Variants in RABEPK observed in about 807,000 individuals in gnomAD.
RABEPK encodes the protein Rab9 effector protein with kelch motifs, also known as 40 kDa Rab9 effector protein.
In RABEPK, 27 loss-of-function variants were observed where a neutral mutation model predicts 34.1. The observed-to-expected ratio is 0.79, with a 90% CI of 0.58 to 1.09. The LOEUF is 1.09. RABEPK is among the 50% of genes least tolerant of loss of function. RABEPK has a pLI of 0.00. For missense variants in RABEPK, 449 were observed against 462.6 expected, an observed-to-expected ratio of 0.97 and a Z score of 0.27; for synonymous variants, 172 against 169.2, an observed-to-expected ratio of 1.02 and a Z score of -0.13.
At chr9:125,218,938 C>A (rs1831134463) in intron 4 of RABEPK, among the ~76,000 whole-genome samples, 1 of 151,928 alleles carries the variant, frequency 6.6e-6, no homozygotes, top group African/African-American at 2.4e-5. Flanking sequence ...TGCCATGTTG[C>A]CCAGGCTGGT....
At chr9:125,223,630 C>T (rs1330575719) in intron 5 of RABEPK, among the ~76,000 whole-genome samples, 2 of 150,296 alleles carry the variant, frequency 1.3e-5, no homozygotes, top group East Asian at 3.9e-4. Flanking sequence ...GCTCAGGAGG[C>T]TGGAGGACCG....
intron 6 of RABEPK, 114 bp from the exon 7 acceptor site, chr9:125,232,482 C>A (rs1832264880): frequency 1.6e-6 from 2 of 1,240,970 alleles, no homozygotes; most frequent in African/African-American, 1.5e-5. Flanking sequence ...CTAAACCTCT[C>A]AGAGCTCTTG....
At chr9:125,226,588 G>A (rs571197369) in intron 5 of RABEPK, among the ~76,000 whole-genome samples, 4 of 151,422 alleles carry the variant, frequency 2.6e-5, no homozygotes, top group African/African-American at 4.9e-5. Context: ...AGATGGGGCC[G>A]GGCACGGTGG....
chr9:125,222,370 A>G (rs929363403), intron 5 of RABEPK: 3 of 152,036 alleles, frequency 2.0e-5, no homozygotes. Context: ...CCCAAAATTA[A>G]ATTACTGTTA....
chr9:125,216,689 A>G (rs930377252), intron 4 of RABEPK, among the ~76,000 whole-genome samples: 1 of 152,100 alleles, frequency 6.6e-6, no homozygotes. Context: ...ACGGCCGGGC[A>G]TGGTGGCTCA....
chr9:125,202,829 TCAAA>T (rs1829990707), intron 1 of RABEPK, among the ~76,000 whole-genome samples, 175 bp from the exon 2 acceptor site: 1 of 151,816 alleles, frequency 6.6e-6, no homozygotes. Flanking sequence ...AAACTCCATC[TCAAA>T]TAAATAAATA....
intron 3 of RABEPK, 104 bp downstream of exon 3, chr9:125,207,825 T>G (rs1830327803): frequency 7.1e-7 from 1 of 1,411,712 alleles, no homozygotes; most frequent in African/African-American, 1.4e-5. Flanking sequence ...AGGGTTTTCC[T>G]ATAAGAAAAC....
intron 5 of RABEPK, among the ~76,000 whole-genome samples, chr9:125,225,252 G>A (rs1053503976): frequency 5.3e-5 from 8 of 152,124 alleles, no homozygotes; most frequent in Admixed American, 5.3e-4. Flanking sequence ...AGGCATGATG[G>A]TGTGCACCTA....
intron 6 of RABEPK, among the ~76,000 whole-genome samples, chr9:125,229,369 G>A (rs1243831118): frequency 6.6e-6 from 1 of 152,072 alleles, no homozygotes; most frequent in Non-Finnish European, 1.5e-5. Context: ...GGAGGTGGAG[G>A]TTGCCGTGAG....
chr9:125,207,860 T>A (rs1422719108), intron 3 of RABEPK, 139 bp downstream of exon 3: 10 of 1,045,614 alleles, frequency 9.6e-6, no homozygotes, highest in Admixed American at 2.5e-5. Context: ...GTGTGGTGGC[T>A]CACGCCTCTA....
intron 5 of RABEPK, among the ~76,000 whole-genome samples, chr9:125,223,676 A>C (rs979420715): frequency 8.7e-5 from 13 of 149,196 alleles, no homozygotes; most frequent in African/African-American, 3.2e-4. Context: ...AGTGAGCCAT[A>C]ATTGCACCAC....
intron 6 of RABEPK, 41 bp downstream of exon 6, chr9:125,228,100 TTTTA>T (rs1002810110): frequency 4.2e-5 from 55 of 1,319,496 alleles, no homozygotes; most frequent in South Asian, 1.5e-4. Flanking sequence ...AAATTGTTAT[TTTTA>T]TTTATTTATT....
chr9:125,217,434 T>A (rs932606607), intron 4 of RABEPK, among the ~76,000 whole-genome samples: 26 of 152,146 alleles, frequency 1.7e-4, no homozygotes, highest in African/African-American at 6.0e-4. Context: ...AGTGTCTCAC[T>A]GTGTTGCCAA....
In RABEPK at chr9:125,233,861, A is replaced by G; in HGVS notation, c.1000A>G (p.Ser334Gly). 6.2e-7 allele frequency: 1 copy of G among 1,614,160 alleles called. No homozygotes were observed. Among genetic ancestry groups the G allele is most frequent in the Non-Finnish European group, 8.5e-7 (1 of 1,180,018 alleles). Residue 334 changes from serine (S) to glycine (G), a missense_variant, in exon 8 of 8, where the codon AGC (serine) becomes GGC (glycine). Ser to Gly is a moderately conservative substitution (Grantham distance 56, BLOSUM62 0). Coordinates refer to ENST00000373538, the MANE Select transcript of RABEPK (RefSeq NM_005833.4). Reference protein sequence around the residue: ...EKEDSADKVMSHSGDSHEESQ... With the variant: ...EKEDSADKVMGHSGDSHEESQ... ...AGAGGATTCAGCTGACAAAGTAATG[A>G]GCCACAGTGGTGACTCACATGAGGA...
At chr9:125,232,771 T>G in intron 7 of RABEPK, 26 bp downstream of exon 7, 2 of 1,597,884 alleles carry the variant, frequency 1.3e-6, no homozygotes, top group Non-Finnish European at 1.7e-6. Context: ...TGGGGGATCT[T>G]TAAACAAATC....
intron 3 of RABEPK, among the ~76,000 whole-genome samples, chr9:125,212,634 G>A (rs553358366): frequency 6.6e-6 from 1 of 152,000 alleles, no homozygotes; most frequent in East Asian, 1.9e-4. Flanking sequence ...TCAGATACAG[G>A]CGTGTTTCTT....
At chr9:125,227,137 T>C (rs1831815458) in intron 5 of RABEPK, among the ~76,000 whole-genome samples, 1 of 152,026 alleles carries the variant, frequency 6.6e-6, no homozygotes, top group Admixed American at 6.6e-5. Flanking sequence ...GCCATTGCAC[T>C]CCAGCCTGGG....
chr9:125,227,326 G>C (rs1831831147), intron 5 of RABEPK, among the ~76,000 whole-genome samples: 1 of 152,096 alleles, frequency 6.6e-6, no homozygotes, highest in Admixed American at 6.6e-5. Flanking sequence ...ATTTCATAGC[G>C]AGAAATGGCT....
chr9:125,201,030 C>T, intron 1 of RABEPK, 124 bp downstream of exon 1: 1 of 357,260 alleles, frequency 2.8e-6, no homozygotes, highest in East Asian at 7.4e-5. Flanking sequence ...GCCCAGCCCT[C>T]TAGGAACTTA....
Sources: allele counts gnomAD v4.1 joint callset (sites outside exome capture counted in the v4.1 genomes callset), GRCh38; gene constraint gnomAD v4.1.1; transcripts MANE v1.5; gene names NCBI Gene and HGNC (gene_info 2026-07-23, HGNC 2026-07-21).